Variants in INSC observed in about 807,000 individuals in gnomAD.
INSC encodes INSC spindle orientation adaptor protein.
INSC carries 67 observed loss-of-function variants against 58.6 expected under a neutral mutation model. The observed-to-expected ratio is 1.14, with a 90% CI of 0.94 to 1.40. The LOEUF (loss-of-function observed/expected upper bound fraction) is 1.40, where lower values mean the gene tolerates loss of function less well. Among genes scored for constraint, INSC ranks in the 40% most tolerant of loss-of-function variants. The pLI is 0.00. For synonymous variants in INSC, 262 were observed against 276.1 expected (o/e 0.95, Z 0.51); for missense variants, 714 against 692.0 (o/e 1.03, Z -0.36).
the INSC span, among the ~76,000 whole-genome samples, chr11:15,262,849 G>C: frequency 3.3e-5 from 5 of 151,974 alleles, no homozygotes; most frequent in African/African-American, 1.2e-4. Context: ...GAAACAAAGA[G>C]AAATACAGCA....
intron 5 of INSC, among the ~76,000 whole-genome samples, chr11:15,181,653 T>G (rs1429179203): frequency 1.3e-5 from 2 of 152,244 alleles, no homozygotes; most frequent in Non-Finnish European, 2.9e-5. Context: ...TTTGGATTAT[T>G]CCTAGAGTAA....
At chr11:15,112,609 T>A, upstream of INSC, 2 of 581,428 alleles carry the variant, frequency 3.4e-6, no homozygotes, top group East Asian at 5.6e-5. Flanking sequence ...TGTGTGTGTG[T>A]GTGTGTGTGT....
intron 8 of INSC, among the ~76,000 whole-genome samples, chr11:15,224,497 A>AT (rs1316909371): frequency 6.6e-6 from 1 of 152,194 alleles, no homozygotes; most frequent in African/African-American, 2.4e-5. Flanking sequence ...ACACAGCTCA[A>AT]TTTTGTCTCC....
intron 9 of INSC, among the ~76,000 whole-genome samples, chr11:15,232,253 G>GC (rs1851953113): frequency 6.6e-6 from 1 of 152,166 alleles, no homozygotes; most frequent in Admixed American, 6.5e-5. Flanking sequence ...CGGATGCTCA[G>GC]CCCCCCGAGT....
downstream of INSC, among the ~76,000 whole-genome samples, chr11:15,247,833 CATT>C (rs1852608148): frequency 7.4e-6 from 1 of 135,066 alleles, no homozygotes; most frequent in Non-Finnish European, 1.7e-5. Context: ...TTGTTAATAT[CATT>C]ATGATCTCAT....
At chr11:15,193,042 C>T (rs1850237990) in intron 6 of INSC, among the ~76,000 whole-genome samples, 1 of 152,180 alleles carries the variant, frequency 6.6e-6, no homozygotes, top group African/African-American at 2.4e-5. Context: ...TAACTTGCTG[C>T]AGGGCATATA....
intron 1 of INSC, among the ~76,000 whole-genome samples, chr11:15,115,837 T>C (rs1847679686): frequency 1.3e-5 from 2 of 152,238 alleles, no homozygotes; most frequent in African/African-American, 4.8e-5. Flanking sequence ...GACAACGACA[T>C]GTATGCAACA....
intron 5 of INSC, among the ~76,000 whole-genome samples, chr11:15,180,683 GA>G (rs1309032211): frequency 3.0e-4 from 26 of 87,306 alleles, no homozygotes; most frequent in East Asian, 9.1e-4. Context: ...TGGTAGGAGT[GA>G]GGGGGGGGGC....
At chr11:15,262,053 C>G in the INSC span, among the ~76,000 whole-genome samples, 1 of 152,090 alleles carries the variant, frequency 6.6e-6, no homozygotes, top group Admixed American at 6.6e-5. Flanking sequence ...GAGTGCAAGA[C>G]AGGGCTCCCA....
At chr11:15,202,868 C>T (rs1344447810) in intron 7 of INSC, among the ~76,000 whole-genome samples, 1 of 152,226 alleles carries the variant, frequency 6.6e-6, no homozygotes, top group Non-Finnish European at 1.5e-5. Flanking sequence ...TCTGATGCTG[C>T]TCAAATGCCA....
At chr11:15,184,143 C>T (rs1849881282) in intron 5 of INSC, among the ~76,000 whole-genome samples, 1 of 152,102 alleles carries the variant, frequency 6.6e-6, no homozygotes, top group East Asian at 1.9e-4. Flanking sequence ...GAATACTGTG[C>T]TTTTTAAATC....
chr11:15,209,334 G>C (rs180828873), intron 7 of INSC, among the ~76,000 whole-genome samples: 1 of 152,214 alleles, frequency 6.6e-6, no homozygotes, highest in Non-Finnish European at 1.5e-5. Context: ...GATGATACAA[G>C]TCAATGCTCC....
At chr11:15,130,467 A>G (rs1226816259) in intron 1 of INSC, among the ~76,000 whole-genome samples, 3 of 152,198 alleles carry the variant, frequency 2.0e-5, no homozygotes, top group Non-Finnish European at 4.4e-5. Context: ...CTTTTCACAT[A>G]TAGTGGATTT....
chr11:15,115,685 C>T (rs554192725), intron 1 of INSC, among the ~76,000 whole-genome samples: 2 of 152,274 alleles, frequency 1.3e-5, no homozygotes, highest in Non-Finnish European at 2.9e-5. Flanking sequence ...ACCATATGGC[C>T]ATGGCCACCC....
intron 9 of INSC, among the ~76,000 whole-genome samples, chr11:15,233,398 G>A (rs913175024): frequency 3.9e-5 from 6 of 152,150 alleles, no homozygotes; most frequent in African/African-American, 1.2e-4. Context: ...TTGACTGTGA[G>A]GATAAACAGT....
At position 15,194,111 on chromosome 11, in the gene INSC, G is replaced by A. The variant is rs371610490; in HGVS notation, c.693+3297G>A. Among the ~76,000 whole-genome samples, 20 of 152,294 alleles carry A rather than the reference G, an allele frequency of 1.3e-4. No homozygotes were observed. The East Asian group carries it at 2.3e-3, about 18-fold the overall frequency. On this transcript the variant is annotated intron_variant, in intron 6 of 12. Coordinates refer to ENST00000379556, the MANE Select transcript of INSC (RefSeq NM_001042536.3). ...GGGAGTTGTAATTAATTAGCTTCAT[G>A]GTTAATTTGCCCCTGAATTTGGATT...
intron 2 of INSC, among the ~76,000 whole-genome samples, chr11:15,163,813 C>T (rs930726586): frequency 2.0e-5 from 3 of 152,178 alleles, no homozygotes; most frequent in African/African-American, 4.8e-5. Flanking sequence ...AGGATGGTCT[C>T]GATCTCCTGA....
At chr11:15,182,212 C>T (rs1849805301) in intron 5 of INSC, among the ~76,000 whole-genome samples, 1 of 152,170 alleles carries the variant, frequency 6.6e-6, no homozygotes, top group South Asian at 2.1e-4. Context: ...TCAATGCCTA[C>T]AGAACTCCAG....
At chr11:15,203,257 A>C (rs962446472) in intron 7 of INSC, among the ~76,000 whole-genome samples, 2 of 152,206 alleles carry the variant, frequency 1.3e-5, no homozygotes, top group African/African-American at 4.8e-5. Flanking sequence ...GCTTAATCCC[A>C]GACCACCTTG....
Sources: gnomAD v4.1 joint callset for allele counts (sites outside exome capture counted in the v4.1 genomes callset) on GRCh38, gnomAD v4.1.1 for gene constraint, MANE v1.5 for transcripts, NCBI Gene and HGNC (gene_info 2026-07-23, HGNC 2026-07-21) for gene names.